VPS13A: variants seen among roughly 807,000 people sequenced by gnomAD.
The protein encoded by VPS13A is intermembrane lipid transfer protein VPS13A.
VPS13A carries 264 observed loss-of-function variants against 390.9 expected under a neutral mutation model. The ratio of observed to expected loss-of-function variants is 0.68; its 90% CI spans 0.61 to 0.75. The LOEUF is 0.75. Ranked by LOEUF, VPS13A falls within the 30% of genes least tolerant of loss-of-function variation. The pLI is 0.00. For synonymous variants in VPS13A, 1,231 were observed against 1,227.1 expected, an observed-to-expected ratio of 1.00 and a Z score of -0.07; for missense variants, 3,409 against 3,733.9, an observed-to-expected ratio of 0.91 and a Z score of 2.27.
chr9:77,282,495 G>A (rs1173195833), intron 29 of VPS13A, among the ~76,000 whole-genome samples: 2 of 151,942 alleles, frequency 1.3e-5, no homozygotes, highest in African/African-American at 4.8e-5. Context: ...TATAATAATT[G>A]TTTTTAGTTT....
chr9:77,391,661 C>G (rs1360000341), intron 68 of VPS13A, among the ~76,000 whole-genome samples: 1 of 152,102 alleles, frequency 6.6e-6, no homozygotes, highest in East Asian at 1.9e-4. Flanking sequence ...TGTGGTACTT[C>G]AAGTCTAAGT....
chr9:77,223,613 C>A (rs1292385900), intron 13 of VPS13A, among the ~76,000 whole-genome samples: 2 of 152,158 alleles, frequency 1.3e-5, no homozygotes, highest in African/African-American at 2.4e-5. Flanking sequence ...TAAACATATT[C>A]TCTTCAATAC....
chr9:77,391,567 T>C (rs1029933641), intron 68 of VPS13A, among the ~76,000 whole-genome samples: 3 of 152,192 alleles, frequency 2.0e-5, no homozygotes, highest in African/African-American at 7.2e-5. Flanking sequence ...TCTAATGAAT[T>C]GTAATGGTAA....
intron 10 of VPS13A, among the ~76,000 whole-genome samples, chr9:77,219,562 AAATTAT>A (rs1178558973): frequency 1.3e-5 from 2 of 152,218 alleles, no homozygotes; most frequent in Non-Finnish European, 2.9e-5. Context: ...AGAAATTCAG[AAATTAT>A]AATTATATAA....
chr9:77,240,285 C>G (rs1824400322), intron 19 of VPS13A, among the ~76,000 whole-genome samples: 1 of 151,664 alleles, frequency 6.6e-6, no homozygotes, highest in African/African-American at 2.4e-5. Flanking sequence ...TGGGGTTTCA[C>G]TGTGTTGGCC....
chr9:77,385,258 T>C (rs1833632744), intron 68 of VPS13A: 10 of 688,934 alleles, frequency 1.5e-5, no homozygotes, highest in Non-Finnish European at 1.8e-5. Flanking sequence ...AAAACAGTCA[T>C]GGCCTCTCAT....
intron 68 of VPS13A, among the ~76,000 whole-genome samples, chr9:77,396,128 G>GAAT (rs547795385): frequency 3.5e-4 from 53 of 152,224 alleles, no homozygotes; most frequent in African/African-American, 1.3e-3. Flanking sequence ...TCTTCTCCTA[G>GAAT]AATATATTAA....
At position 77,225,526 on chromosome 9, in the gene VPS13A, A is replaced by C. The variant is rs573547195; in HGVS notation, c.1162-400A>C. Among the ~76,000 whole-genome samples, 11 of 152,274 alleles carry C rather than the reference A, an allele frequency of 7.2e-5. No individual in the cohort carries two copies. In the East Asian group the frequency reaches 2.1e-3, roughly 29 times the overall value. Reference sequence around the variant, plus strand: ...CTCCCAGAGTGTTGGGGTTACAGGCATGAGCCACTGTGCTTGGCCTTGTAA... The same window carrying C: ...CTCCCAGAGTGTTGGGGTTACAGGCCTGAGCCACTGTGCTTGGCCTTGTAA... On this transcript the variant is annotated intron_variant, in intron 13 of 71. Transcript: ENST00000360280.
Position 77,371,157 on chromosome 9 carries a change from C to G in VPS13A, c.9077+8C>G, listed in dbSNP as rs1325690140. On this transcript the variant is annotated splice_region_variant and intron_variant, in intron 67 of 71. Transcript: ENST00000360280. ...ATTTCAGGGAATAAAAAGGTAAATC[C>G]TCTTTGGTGTAAGATATGAGTTAAA... The G allele has an allele frequency of 3.7e-6, 6 of 1,613,640 alleles. No individual in the cohort carries two copies. Among genetic ancestry groups the G allele is most frequent in the South Asian group, 1.1e-5 (1 of 91,046 alleles).
In VPS13A at chr9:77,225,911, G is replaced by A. The variant is rs1200807456; in HGVS notation, c.1162-15G>A. On this transcript the variant is annotated splice_polypyrimidine_tract_variant and intron_variant, in intron 13 of 71. Coordinates refer to ENST00000360280, the MANE Select transcript of VPS13A (RefSeq NM_033305.3). ...ATTTTTGTAAAGTTAACACATTTTT[G>A]TTTATATTTTTCAGGAGTTGGAAAA... 1.9e-6 allele frequency: 3 copies of A among 1,593,972 alleles called. No individual in the cohort carries two copies. The highest frequency in any genetic ancestry group is 2.2e-5 in the East Asian group (1 of 44,572).
chr9:77,195,631 G>A (rs940382010), intron 1 of VPS13A, among the ~76,000 whole-genome samples: 3 of 152,076 alleles, frequency 2.0e-5, no homozygotes, highest in Non-Finnish European at 4.4e-5. Flanking sequence ...CAGCTACTCA[G>A]GAGGCTGAGG....
intron 19 of VPS13A, 96 bp from the exon 20 acceptor site, chr9:77,247,163 C>A: frequency 1.9e-6 from 2 of 1,065,760 alleles, no homozygotes; most frequent in Non-Finnish European, 2.6e-6. Flanking sequence ...ACTAATTTTA[C>A]ATTAAGATTG....
rs1835157038 is a variant in VPS13A at position 77,416,007 on chromosome 9, CAG to C, written c.*5_*6del. 1.9e-6 allele frequency: 3 copies of C among 1,613,442 alleles called. No homozygotes were observed. Among genetic ancestry groups the C allele is most frequent in the Non-Finnish European group, 2.5e-6 (3 of 1,179,476 alleles). On this transcript the variant is annotated 3_prime_UTR_variant, in exon 72 of 72. Transcript: ENST00000360280. ...AAGAGAACCTTCTCCGAGCCTCTGACAGAGAACACTGCCTGAAGACACACAGC... is the reference window on the plus strand; with the variant it reads ...AAGAGAACCTTCTCCGAGCCTCTGACAGAACACTGCCTGAAGACACACAGC...
chr9:77,267,379 C>T (rs1826095015), intron 23 of VPS13A, among the ~76,000 whole-genome samples: 1 of 152,140 alleles, frequency 6.6e-6, no homozygotes. Flanking sequence ...GATGTTCATG[C>T]TGTTCCTTTC....
chr9:77,406,721 C>CT (rs200930391), intron 70 of VPS13A, among the ~76,000 whole-genome samples: 17,763 of 144,144 alleles, frequency 0.12, 1,076 homozygotes, highest in Middle Eastern at 0.15. Flanking sequence ...CCAGCCTCAT[C>CT]TTTTTTTTTT....
intron 22 of VPS13A, among the ~76,000 whole-genome samples, chr9:77,255,421 A>G (rs554646349): frequency 2.0e-4 from 31 of 152,168 alleles, no homozygotes; most frequent in Non-Finnish European, 4.6e-4. Context: ...TAAATGATAT[A>G]TAAACCATGT....
intron 59 of VPS13A, among the ~76,000 whole-genome samples, chr9:77,361,913 A>G (rs1404127614): frequency 1.3e-5 from 2 of 152,136 alleles, no homozygotes; most frequent in African/African-American, 4.8e-5. Context: ...GATGTTGAGC[A>G]TCTTTGATAT....
At chr9:77,389,785 G>A (rs902145213) in intron 68 of VPS13A, 1 of 152,246 alleles carries the variant, frequency 6.6e-6, no homozygotes, top group South Asian at 2.1e-4. Flanking sequence ...TGACAGCTGA[G>A]TTGTTGTCCT....
chr9:77,348,967 T>G (rs1441420307), intron 52 of VPS13A, among the ~76,000 whole-genome samples: 11 of 152,210 alleles, frequency 7.2e-5, no homozygotes. Flanking sequence ...ACATTTACAT[T>G]TGATTTTTTT....
Sources: gnomAD v4.1 joint callset for allele counts (sites outside exome capture counted in the v4.1 genomes callset) on GRCh38, gnomAD v4.1.1 for gene constraint, MANE v1.5 for transcripts, NCBI Gene and HGNC (gene_info 2026-07-23, HGNC 2026-07-21) for gene names.